DNM3: variants seen among roughly 807,000 people sequenced by gnomAD.
The protein encoded by DNM3 is dynamin-3.
A neutral mutation model predicts 101.6 loss-of-function variants in DNM3; 47 were observed. The ratio of observed to expected loss-of-function variants is 0.46; its 90% confidence interval spans 0.37 to 0.59. The LOEUF (loss-of-function observed/expected upper bound fraction) is 0.59, where lower values mean the gene tolerates loss of function less well. Among genes scored for constraint, DNM3 ranks in the 20% least tolerant of loss-of-function variants. The pLI, the probability that DNM3 is intolerant of heterozygous loss-of-function variation, is 0.00. For synonymous variants in DNM3, 385 were observed against 387.9 expected (o/e 0.99, Z 0.09); for missense variants, 849 against 1,085.7 (o/e 0.78, Z 3.06).
intron 1 of DNM3, 32 bp from the exon 2 acceptor site, chr1:171,921,716 A>G (rs1036811587): frequency 2.6e-6 from 4 of 1,540,826 alleles, no homozygotes; most frequent in Non-Finnish European, 3.5e-6. Context: ...GAATTCCTTC[A>G]TGCCTTAATC....
Position 172,253,607 on chromosome 1 carries a change from A to G in DNM3, c.1694A>G (p.Asn565Ser). ...KEKKYMLPLD[N>S]LKVRDVEKSF... ...AAGAAGTACATGCTTCCCTTGGACA[A>G]CCTGAAAGTTCGGGATGTGGAAAAG... is the stretch of plus-strand genomic sequence containing the variant. Residue 565 changes from asparagine (N) to serine (S), a missense_variant, in exon 15 of 21, where the codon AAC becomes AGC. Asn to Ser is a conservative substitution (Grantham distance 46, BLOSUM62 1). Around this residue, in one of 5 missense-constraint regions of DNM3, gnomAD observed 193 missense variants for 238.4 expected, o/e 0.81. Transcript: ENST00000627582. 6.3e-7 allele frequency: 1 copy of G among 1,593,046 alleles called. No homozygotes were observed. The highest frequency in any genetic ancestry group is 8.6e-7 in the Non-Finnish European group (1 of 1,169,576).
intron 15 of DNM3, among the ~76,000 whole-genome samples, chr1:172,277,641 A>G (rs1316930666): frequency 6.6e-6 from 1 of 152,116 alleles, no homozygotes; most frequent in Non-Finnish European, 1.5e-5. Context: ...TTGCAAAAAA[A>G]GGTGTAATAT....
At chr1:172,243,377 G>A (rs974101205) in intron 14 of DNM3, among the ~76,000 whole-genome samples, 11 of 152,090 alleles carry the variant, frequency 7.2e-5, no homozygotes, top group African/African-American at 4.8e-5. Flanking sequence ...ATACATGGCC[G>A]AAGAATGTCA....
At chr1:171,954,669 C>T (rs754313947) in intron 2 of DNM3, among the ~76,000 whole-genome samples, 5 of 152,168 alleles carry the variant, frequency 3.3e-5, no homozygotes, top group Non-Finnish European at 7.3e-5. Flanking sequence ...CATGCCTGCT[C>T]ACTCCTGCAA....
chr1:172,230,877 G>A (rs1053880177), intron 14 of DNM3, among the ~76,000 whole-genome samples: 2 of 151,842 alleles, frequency 1.3e-5, no homozygotes, highest in African/African-American at 4.8e-5. Context: ...ACATTTTCCT[G>A]GTTTTTCCCA....
At chr1:172,057,670 G>C (rs2050758229) in intron 10 of DNM3, among the ~76,000 whole-genome samples, 1 of 151,466 alleles carries the variant, frequency 6.6e-6, no homozygotes, top group South Asian at 2.1e-4. Flanking sequence ...CACCAGGCCT[G>C]CCCTAAAAGA....
chr1:171,882,568 T>C (rs80340331), intron 1 of DNM3, among the ~76,000 whole-genome samples: 1,642 of 152,158 alleles, frequency 0.011, 34 homozygotes, highest in African/African-American at 0.037. Flanking sequence ...ACCACATAGA[T>C]ATACAGCCCA....
intron 17 of DNM3, among the ~76,000 whole-genome samples, chr1:172,344,040 G>T (rs139792380): frequency 6.6e-6 from 1 of 152,216 alleles, no homozygotes; most frequent in East Asian, 1.9e-4. Context: ...GGGCTGCTTT[G>T]CCTTCATCTG....
At chr1:172,413,771 T>G (rs2071332954), downstream of DNM3, among the ~76,000 whole-genome samples, 1 of 152,228 alleles carries the variant, frequency 6.6e-6, no homozygotes. Context: ...TGTGAAAAGA[T>G]GAACTGGACA....
At chr1:172,209,629 C>T (rs78013560) in intron 14 of DNM3, among the ~76,000 whole-genome samples, 10,169 of 152,004 alleles carry the variant, frequency 0.067, 392 homozygotes, top group Middle Eastern at 0.11. Context: ...TAGCAATGCA[C>T]TTCTGTGTCT....
chr1:172,240,501 G>A (rs1468111870), intron 14 of DNM3, among the ~76,000 whole-genome samples: 1 of 152,138 alleles, frequency 6.6e-6, no homozygotes, highest in Admixed American at 6.6e-5. Flanking sequence ...AAATCATGCT[G>A]CATTTGTAAA....
At chr1:172,067,509 C>G (rs922102169) in intron 10 of DNM3, among the ~76,000 whole-genome samples, 2 of 152,028 alleles carry the variant, frequency 1.3e-5, no homozygotes, top group Non-Finnish European at 2.9e-5. Flanking sequence ...AGTTTCTGCA[C>G]GGACTTTCTT....
At chr1:172,033,382 A>G in intron 6 of DNM3, 117 bp downstream of exon 6, 1 of 1,140,350 alleles carries the variant, frequency 8.8e-7, no homozygotes, top group Non-Finnish European at 1.2e-6. Context: ...TGCAGCTTCA[A>G]TGATAGGGAT....
intron 15 of DNM3, among the ~76,000 whole-genome samples, chr1:172,305,063 A>AT (rs2064719791): frequency 6.6e-6 from 1 of 152,226 alleles, no homozygotes; most frequent in Non-Finnish European, 1.5e-5. Flanking sequence ...AGAGACACAA[A>AT]TACCCTTCAA....
intron 14 of DNM3, among the ~76,000 whole-genome samples, chr1:172,163,954 T>TACAC (rs1361403589): frequency 1.6e-4 from 18 of 112,152 alleles, no homozygotes; most frequent in South Asian, 5.3e-4. Context: ...CATACATATA[T>TACAC]ATACACACAC....
chr1:172,341,491 C>T (rs2066684758), intron 17 of DNM3, among the ~76,000 whole-genome samples: 1 of 152,142 alleles, frequency 6.6e-6, no homozygotes, highest in Non-Finnish European at 1.5e-5. Context: ...AGCTATACTG[C>T]AGGGCTACAG....
chr1:172,196,395 T>C (rs2059950432), intron 14 of DNM3, among the ~76,000 whole-genome samples: 1 of 152,108 alleles, frequency 6.6e-6, no homozygotes, highest in Non-Finnish European at 1.5e-5. Flanking sequence ...TATGGTAGAA[T>C]GATTTATATT....
intron 11 of DNM3, among the ~76,000 whole-genome samples, chr1:172,070,071 T>C (rs1203648962): frequency 6.6e-6 from 1 of 152,150 alleles, no homozygotes; most frequent in Non-Finnish European, 1.5e-5. Flanking sequence ...CCACCTTGTC[T>C]CTGCTTGAGC....
chr1:171,965,550 C>CA (rs761095968), intron 2 of DNM3, among the ~76,000 whole-genome samples: 1,723 of 114,912 alleles, frequency 0.015, 15 homozygotes, highest in African/African-American at 0.039. Flanking sequence ...GACCCTGTCT[C>CA]AAAAAAAAAA....
Sources: allele counts gnomAD v4.1 joint callset (sites outside exome capture counted in the v4.1 genomes callset), GRCh38; gene constraint gnomAD v4.1.1; regional missense constraint gnomAD v4.1.1; transcripts MANE v1.5; gene names NCBI Gene and HGNC (gene_info 2026-07-23, HGNC 2026-07-21).